The following PIK3C2G variants were observed in gnomAD, a reference collection of about 807,000 sequenced individuals.
PIK3C2G encodes phosphatidylinositol 3-kinase C2 domain-containing subunit gamma.
PIK3C2G carries 168 observed loss-of-function variants against 181.1 expected under a neutral mutation model. The ratio of observed to expected loss-of-function variants is 0.93; its 90% confidence interval spans 0.82 to 1.05. The LOEUF (loss-of-function observed/expected upper bound fraction) is 1.05, where lower values mean the gene tolerates loss of function less well. Among genes scored for constraint, PIK3C2G ranks in the 50% least tolerant of loss-of-function variants. The probability of loss-of-function intolerance (pLI) is 0.00; values close to 1 mark genes in which losing one functional copy is unlikely to be tolerated. For synonymous variants in PIK3C2G, 573 were observed against 592.2 expected (o/e 0.97, Z 0.47); for missense variants, 1,869 against 1,732.8 (o/e 1.08, Z -1.40).
intron 29 of PIK3C2G, among the ~76,000 whole-genome samples, chr12:18,575,790 A>G (rs1055237273): frequency 2.6e-5 from 4 of 152,210 alleles, no homozygotes; most frequent in Non-Finnish European, 1.5e-5. Flanking sequence ...CTGTTTAGAA[A>G]CTTAAAGAAC....
intron 28 of PIK3C2G, among the ~76,000 whole-genome samples, chr12:18,564,376 G>A (rs1403706481): frequency 6.6e-6 from 1 of 151,180 alleles, no homozygotes; most frequent in African/African-American, 2.4e-5. Context: ...GTTAAGTAAA[G>A]TAAATGGTCC....
chr12:18,247,902 G>A (rs1948056871), exon 1 of PIK3C2G: 1 of 152,104 alleles, frequency 6.6e-6, no homozygotes, highest in South Asian at 2.1e-4. Flanking sequence ...CCTTACCGAG[G>A]ACTCCCATAC....
chr12:18,509,283 G>A (rs912722767), intron 24 of PIK3C2G, among the ~76,000 whole-genome samples: 3 of 152,072 alleles, frequency 2.0e-5, no homozygotes, highest in African/African-American at 7.2e-5. Context: ...CCCGACCTCA[G>A]GCAATTCGCC....
chr12:18,256,515 A>G (rs1196854135), intron 1 of PIK3C2G, among the ~76,000 whole-genome samples: 4 of 152,144 alleles, frequency 2.6e-5, no homozygotes, highest in African/African-American at 7.2e-5. Context: ...AAGAACTTCA[A>G]TTAACTGAGA....
chr12:18,389,196 CAA>C (rs535998882), intron 14 of PIK3C2G, among the ~76,000 whole-genome samples: 1 of 151,776 alleles, frequency 6.6e-6, no homozygotes, highest in Admixed American at 6.6e-5. Context: ...ACTAAAAATA[CAA>C]AAAAATTAGC....
chr12:18,330,621 C>A (rs1424070561), intron 8 of PIK3C2G, among the ~76,000 whole-genome samples: 3 of 152,052 alleles, frequency 2.0e-5, no homozygotes, highest in Non-Finnish European at 4.4e-5. Flanking sequence ...AATCTTTTGC[C>A]TATTTTTAAA....
At chr12:18,356,133 A>C (rs1940705569) in intron 11 of PIK3C2G, among the ~76,000 whole-genome samples, 1 of 152,188 alleles carries the variant, frequency 6.6e-6, no homozygotes, top group Non-Finnish European at 1.5e-5. Flanking sequence ...CCTTTTACCC[A>C]AAAGAAAGAG....
At chr12:18,717,286 A>T in the PIK3C2G span, among the ~76,000 whole-genome samples, 2 of 152,200 alleles carry the variant, frequency 1.3e-5, no homozygotes, top group Admixed American at 6.5e-5. Flanking sequence ...TAATGAAATT[A>T]TAGCTATAAA....
chr12:18,601,826 G>A (rs1947732538), intron 30 of PIK3C2G, among the ~76,000 whole-genome samples: 1 of 152,102 alleles, frequency 6.6e-6, no homozygotes, highest in Admixed American at 6.5e-5. Context: ...CAACTATACT[G>A]GACATTAGAG....
At chr12:18,399,184 G>A (rs1423160258) in intron 15 of PIK3C2G, among the ~76,000 whole-genome samples, 4 of 109,844 alleles carry the variant, frequency 3.6e-5, no homozygotes, top group Admixed American at 2.7e-4. Flanking sequence ...GACAGAGCGA[G>A]ACTCCGTCTC....
intron 31 of PIK3C2G, among the ~76,000 whole-genome samples, chr12:18,619,432 A>T (rs930939873): frequency 6.6e-6 from 1 of 152,162 alleles, no homozygotes; most frequent in Non-Finnish European, 1.5e-5. Flanking sequence ...TTTTAATCTC[A>T]TTCTAATTTC....
chr12:18,308,153 C>T (rs1169560409), intron 5 of PIK3C2G, among the ~76,000 whole-genome samples: 1 of 151,816 alleles, frequency 6.6e-6, no homozygotes, highest in Non-Finnish European at 1.5e-5. Context: ...AAATTGTGGT[C>T]TTGCCACGTA....
At chr12:18,248,463 C>A (rs1948063856) in intron 1 of PIK3C2G, among the ~76,000 whole-genome samples, 1 of 152,036 alleles carries the variant, frequency 6.6e-6, no homozygotes, top group African/African-American at 2.4e-5. Context: ...GTCCCAGCTA[C>A]TCGGGAGGCT....
intron 31 of PIK3C2G, among the ~76,000 whole-genome samples, chr12:18,633,198 A>G (rs1371364747): frequency 1.3e-5 from 2 of 152,228 alleles, no homozygotes; most frequent in African/African-American, 4.8e-5. Flanking sequence ...ATGATGTAAA[A>G]TGAATAATGC....
intron 32 of PIK3C2G, among the ~76,000 whole-genome samples, chr12:18,642,794 G>GTA (rs1949909081): frequency 7.3e-6 from 1 of 136,294 alleles, no homozygotes; most frequent in African/African-American, 3.6e-5. Flanking sequence ...CACTGTGTGT[G>GTA]TGTGTGTGTG....
At chr12:18,563,593 C>T (rs1384785293) in intron 28 of PIK3C2G, 95 bp downstream of exon 28, 1 of 1,189,340 alleles carries the variant, frequency 8.4e-7, no homozygotes, top group East Asian at 2.4e-5. Flanking sequence ...TTGTGAGAAA[C>T]ACAGTATTCT....
At chr12:18,572,220 CTTTT>C (rs1259796076) in intron 29 of PIK3C2G, among the ~76,000 whole-genome samples, 2 of 149,830 alleles carry the variant, frequency 1.3e-5, no homozygotes, top group Non-Finnish European at 3.0e-5. Flanking sequence ...ATATAATCAA[CTTTT>C]TTTAGTCTTT....
At position 18,453,041 on chromosome 12, in the gene PIK3C2G, G is replaced by A. The variant is rs139507339; in HGVS notation, c.2504+29002G>A. ...TGGTGCTGAGAAGAATGTACATTCT[G>A]TTCATTTGAGTTGGAGAGTTCTGTA... On this transcript the variant is annotated intron_variant, in intron 18 of 32. Transcript: ENST00000538779. Among the ~76,000 whole-genome samples the A allele has an allele frequency of 5.9e-5, 9 of 152,280 alleles. No homozygotes were observed. The East Asian group carries it at 1.7e-3, about 29-fold the overall frequency.
At chr12:18,670,925 G>T in the PIK3C2G span, among the ~76,000 whole-genome samples, 3 of 152,162 alleles carry the variant, frequency 2.0e-5, no homozygotes. Context: ...GCTCATGCCT[G>T]TAATCCCAAC....
Sources: allele counts gnomAD v4.1 joint callset (sites outside exome capture counted in the v4.1 genomes callset), GRCh38; gene constraint gnomAD v4.1.1; transcripts MANE v1.5; gene names NCBI Gene and HGNC (gene_info 2026-07-23, HGNC 2026-07-21).